CCDC14: variants seen among roughly 807,000 people sequenced by gnomAD.
The protein encoded by CCDC14 is coiled-coil domain containing 14.
CCDC14 carries 71 observed loss-of-function variants against 81.4 expected under a neutral mutation model. The observed-to-expected ratio is 0.87, with a 90% CI of 0.72 to 1.06. CCDC14 has a LOEUF of 1.06. Ranked by LOEUF, CCDC14 falls within the 50% of genes least tolerant of loss-of-function variation. CCDC14 has a pLI of 0.00. For synonymous variants in CCDC14, 332 were observed against 364.8 expected, an observed-to-expected ratio of 0.91 and a Z score of 1.03; for missense variants, 1,046 against 1,047.3, an observed-to-expected ratio of 1.00 and a Z score of 0.02.
At chr3:123,957,368 T>C (rs1411035198) in intron 1 of CCDC14, 1 of 152,116 alleles carries the variant, frequency 6.6e-6, no homozygotes, top group Admixed American at 6.5e-5. Flanking sequence ...TCCCAAAATA[T>C]GTTCTATAGT....
chr3:123,936,637 A>G (rs1267104577), intron 9 of CCDC14, among the ~76,000 whole-genome samples: 1 of 152,084 alleles, frequency 6.6e-6, no homozygotes, highest in African/African-American at 2.4e-5. Flanking sequence ...AAATGATAAG[A>G]ACTTATTAAC....
intron 12 of CCDC14, among the ~76,000 whole-genome samples, chr3:123,920,863 A>G (rs2035007573): frequency 6.6e-6 from 1 of 152,240 alleles, no homozygotes; most frequent in African/African-American, 2.4e-5. Context: ...ACTATTAAAA[A>G]CAACTATAGT....
At chr3:123,933,506 A>T (rs898216673) in intron 10 of CCDC14, 167 bp downstream of exon 10, 2 of 584,008 alleles carry the variant, frequency 3.4e-6, no homozygotes, top group Non-Finnish European at 6.0e-6. Context: ...CAAAACAAAC[A>T]AACAAAAAAA....
At chr3:123,918,427 G>A (rs182051327) in intron 12 of CCDC14, among the ~76,000 whole-genome samples, 1 of 152,242 alleles carries the variant, frequency 6.6e-6, no homozygotes, top group Admixed American at 6.5e-5. Context: ...AGAGTTTCCT[G>A]GCTCTGGTCC....
intron 12 of CCDC14, among the ~76,000 whole-genome samples, chr3:123,922,301 T>G (rs2035092085): frequency 6.6e-6 from 1 of 152,058 alleles, no homozygotes; most frequent in South Asian, 2.1e-4. Context: ...TATTACATCT[T>G]AAGGAACTAG....
At chr3:123,953,890 A>T (rs1173066005) in intron 5 of CCDC14, 2 of 152,174 alleles carry the variant, frequency 1.3e-5, no homozygotes, top group East Asian at 1.9e-4. Context: ...CTAGGCTCGC[A>T]TGACCTAGTA....
At chr3:123,927,452 C>T (rs2035435793) in intron 12 of CCDC14, among the ~76,000 whole-genome samples, 1 of 152,040 alleles carries the variant, frequency 6.6e-6, no homozygotes, top group East Asian at 1.9e-4. Context: ...CATCAATGAA[C>T]GTACTTAGAA....
intron 9 of CCDC14, among the ~76,000 whole-genome samples, chr3:123,939,996 TA>T (rs1223897509): frequency 2.0e-5 from 3 of 151,646 alleles, no homozygotes; most frequent in African/African-American, 7.3e-5. Context: ...TACAAATGGT[TA>T]AAAATAAAAA....
intron 5 of CCDC14, among the ~76,000 whole-genome samples, chr3:123,897,871 A>G (rs1472088590): frequency 6.6e-6 from 1 of 152,240 alleles, no homozygotes. Context: ...TACAGACAGA[A>G]TGAGCACATG....
chr3:123,888,638 A>G, the CCDC14 span, among the ~76,000 whole-genome samples: 1 of 152,234 alleles, frequency 6.6e-6, no homozygotes, highest in South Asian at 2.1e-4. Flanking sequence ...ACTTACAATC[A>G]TAGCAGAAGG....
Position 123,949,050 on chromosome 3 carries a change from C to T in CCDC14, c.435G>A (p.Trp145Ter), listed in dbSNP as rs373619932. Residue 145 changes from tryptophan (W) to a stop codon, truncating the protein, a stop_gained, in exon 6 of 13, where the codon TGG (tryptophan) becomes TGA (stop). Coordinates refer to ENST00000409697, the MANE Select transcript of CCDC14 (RefSeq NM_001366335.1). LOFTEE classifies it high-confidence loss of function. Reference protein sequence around the residue: ...ERDTSDLEQNWSLQDHYRMYS... With the variant: ...ERDTSDLEQN ...ACATTCTATAATGATCTTGCAATGA[C>T]CAGTTTTGCTCTAGGTCTGATGTGT... 3 of 1,613,478 alleles carry T rather than the reference C, an allele frequency of 1.9e-6. No homozygotes were observed. The South Asian group carries it at 3.3e-5, about 18-fold the overall frequency.
intron 8 of CCDC14, among the ~76,000 whole-genome samples, 170 bp downstream of exon 8, chr3:123,946,633 G>A (rs1334020137): frequency 1.3e-5 from 2 of 152,122 alleles, no homozygotes; most frequent in Admixed American, 1.3e-4. Context: ...CCACAGGAAA[G>A]AAGGGATCAA....
chr3:123,904,379 G>A (rs1304043417), intron 5 of CCDC14, among the ~76,000 whole-genome samples: 1 of 152,102 alleles, frequency 6.6e-6, no homozygotes, highest in African/African-American at 2.4e-5. Context: ...CAGGTGTGTG[G>A]CTAGGGTGTG....
At chr3:123,955,638 T>C in intron 5 of CCDC14, 2 of 390,880 alleles carry the variant, frequency 5.1e-6, no homozygotes, top group Non-Finnish European at 8.8e-6. Context: ...TGACAGTCTC[T>C]TTTTCTATTT....
intron 5 of CCDC14, among the ~76,000 whole-genome samples, chr3:123,903,229 G>T (rs985362215): frequency 1.3e-5 from 2 of 151,662 alleles, no homozygotes; most frequent in Non-Finnish European, 2.9e-5. Flanking sequence ...ACACACAGAA[G>T]TTCACTAGGC....
At chr3:123,893,721 C>A (rs2148752070), downstream of CCDC14, among the ~76,000 whole-genome samples, 1 of 152,100 alleles carries the variant, frequency 6.6e-6, no homozygotes, top group East Asian at 1.9e-4. Context: ...TCCATATTCT[C>A]ATTAATATAT....
At chr3:123,939,968 G>C (rs1282580155) in intron 9 of CCDC14, among the ~76,000 whole-genome samples, 1 of 151,776 alleles carries the variant, frequency 6.6e-6, no homozygotes, top group Non-Finnish European at 1.5e-5. Flanking sequence ...TTTATTTATT[G>C]CCACTGAAAT....
chr3:123,931,158 C>T lies in CCDC14; in HGVS notation c.1722G>A (p.Leu574=). The change falls in exon 12 of 13, where the codon TTG becomes TTA. Residue 574 remains leucine, a synonymous_variant. Coordinates refer to ENST00000409697, the MANE Select transcript of CCDC14 (RefSeq NM_001366335.1). ...LETAEKENQI[L]GITLRQRDAE... is the part of the protein sequence containing the mutation. ...CATCACGCTGACGTAATGTTATCCCCAATATCTGGTTTTCCTTTTCAGCAG... is the reference window on the plus strand; with the variant it reads ...CATCACGCTGACGTAATGTTATCCCTAATATCTGGTTTTCCTTTTCAGCAG... 1 of 1,612,972 alleles carries T rather than the reference C, an allele frequency of 6.2e-7. No individual in the cohort carries two copies.
At chr3:123,930,883 C>A (rs2035661696) in intron 12 of CCDC14, 2 of 461,636 alleles carry the variant, frequency 4.3e-6, no homozygotes, top group Non-Finnish European at 7.5e-6. Context: ...GGACCCCCTG[C>A]CCAGAATCAC....
Sources: gnomAD v4.1 joint callset for allele counts (sites outside exome capture counted in the v4.1 genomes callset) on GRCh38, gnomAD v4.1.1 for gene constraint, MANE v1.5 for transcripts, NCBI Gene and HGNC (gene_info 2026-07-23, HGNC 2026-07-21) for gene names.